Variants in NNT observed in about 807,000 individuals in gnomAD.
NNT encodes nicotinamide nucleotide transhydrogenase.
A neutral mutation model predicts 104.8 loss-of-function variants in NNT; 50 were observed. The ratio of observed to expected loss-of-function variants is 0.48; its 90% CI spans 0.38 to 0.60. The LOEUF (loss-of-function observed/expected upper bound fraction) is 0.60. Among genes scored for constraint, NNT ranks in the 20% least tolerant of loss-of-function variants. The probability of loss-of-function intolerance (pLI) is 0.00; values close to 1 mark genes in which losing one functional copy is unlikely to be tolerated. For missense variants in NNT, 1,131 were observed against 1,330.7 expected, an observed-to-expected ratio of 0.85 and a Z score of 2.33; for synonymous variants, 461 against 490.4, an observed-to-expected ratio of 0.94 and a Z score of 0.79.
intron 5 of NNT, among the ~76,000 whole-genome samples, chr5:43,623,459 A>G (rs961311001): frequency 1.3e-5 from 2 of 152,194 alleles, no homozygotes; most frequent in Non-Finnish European, 2.9e-5. Flanking sequence ...CATTAGTTAC[A>G]TTGCTTCAGA....
At chr5:43,685,559 C>T (rs1487083656) in intron 19 of NNT, among the ~76,000 whole-genome samples, 1 of 152,082 alleles carries the variant, frequency 6.6e-6, no homozygotes, top group Non-Finnish European at 1.5e-5. Flanking sequence ...AAAAAGCACT[C>T]TAAATAGTTT....
chr5:43,619,069 C>T lies in NNT; in HGVS notation c.637C>T (p.Arg213Cys), dbSNP rs780911751. The T allele has an allele frequency of 2.7e-5, 42 of 1,549,470 alleles. No individual in the cohort carries two copies. The highest frequency in any genetic ancestry group is 6.5e-5 in the South Asian group (5 of 76,570). Residue 213 changes from arginine to cysteine, a missense_variant, in exon 5 of 22, where the codon CGT becomes TGT. By Grantham distance (180) the Arg-to-Cys change is radical. Coordinates refer to ENST00000344920, the MANE Select transcript of NNT (RefSeq NM_182977.3). Reference sequence around the variant, plus strand: ...TGTCCTAGCAGCAAATCATTTTGGACGTTTTTTTACTGGTCAGATCACAGC... The same window carrying T: ...TGTCCTAGCAGCAAATCATTTTGGATGTTTTTTTACTGGTCAGATCACAGC... ...AVVLAANHFG[R>C]FFTGQITAAG...
At chr5:43,695,438 C>T (rs1742508264) in intron 19 of NNT, among the ~76,000 whole-genome samples, 1 of 152,182 alleles carries the variant, frequency 6.6e-6, no homozygotes, top group Admixed American at 6.5e-5. Context: ...CAGACTTAGG[C>T]TTTATCAATG....
intron 7 of NNT, among the ~76,000 whole-genome samples, chr5:43,631,559 A>C (rs1312381559): frequency 1.3e-5 from 2 of 152,200 alleles, no homozygotes; most frequent in African/African-American, 2.4e-5. Context: ...AGCCATGTGG[A>C]TAGGAAGCTA....
rs1739614672 is a variant in NNT at position 43,649,137 on chromosome 5, C to T, written c.1445-10C>T. ...TCAGCTCAAACACACTCTTTACTCT[C>T]TTTCTCTAGGTCTCACAGGGATACT... On this transcript the variant is annotated splice_polypyrimidine_tract_variant and intron_variant, in intron 10 of 21. Coordinates refer to ENST00000344920, the MANE Select transcript of NNT (RefSeq NM_182977.3). 6.2e-7 allele frequency: 1 copy of T among 1,613,674 alleles called. No homozygotes were observed. Among genetic ancestry groups the T allele is most frequent in the Non-Finnish European group, 8.5e-7 (1 of 1,179,806 alleles).
chr5:43,626,601 G>T (rs1750376807), intron 6 of NNT, among the ~76,000 whole-genome samples: 1 of 151,902 alleles, frequency 6.6e-6, no homozygotes, highest in Non-Finnish European at 1.5e-5. Context: ...TTTAGAAATA[G>T]CTTATATTTC....
At chr5:43,667,331 T>C (rs536446115) in intron 17 of NNT, 40 of 581,372 alleles carry the variant, frequency 6.9e-5, no homozygotes, top group South Asian at 5.6e-4. Context: ...TGCAGGTTTG[T>C]TACATATGTA....
intron 7 of NNT, among the ~76,000 whole-genome samples, chr5:43,630,519 CA>C (rs1750619554): frequency 6.6e-6 from 1 of 152,128 alleles, no homozygotes; most frequent in Non-Finnish European, 1.5e-5. Flanking sequence ...GACCCTTTGT[CA>C]GTTTTAAATT....
At chr5:43,696,450 T>A (rs1742563380) in intron 19 of NNT, among the ~76,000 whole-genome samples, 1 of 152,084 alleles carries the variant, frequency 6.6e-6, no homozygotes, top group Non-Finnish European at 1.5e-5. Flanking sequence ...TGGCATTGAG[T>A]TTCTGCAGAT....
chr5:43,694,615 T>C (rs2112216097), intron 19 of NNT, among the ~76,000 whole-genome samples: 1 of 152,330 alleles, frequency 6.6e-6, no homozygotes, highest in Middle Eastern at 3.4e-3. Flanking sequence ...CAACCTTGCA[T>C]CCCTGGGATG....
intron 1 of NNT, among the ~76,000 whole-genome samples, chr5:43,605,922 C>T (rs944387055): frequency 9.2e-5 from 14 of 152,116 alleles, no homozygotes; most frequent in Admixed American, 9.2e-4. Flanking sequence ...TGCTGAACAT[C>T]AAATTACCAT....
At chr5:43,620,490 G>A (rs985084111) in intron 5 of NNT, among the ~76,000 whole-genome samples, 1 of 152,030 alleles carries the variant, frequency 6.6e-6, no homozygotes, top group Admixed American at 6.5e-5. Flanking sequence ...GAAGTGCTGG[G>A]ATTACAGGCT....
At position 43,615,855 on chromosome 5, in the gene NNT, C is replaced by T. The variant is rs758653140; in HGVS notation, c.389C>T (p.Ala130Val). 1 of 1,610,094 alleles carries T rather than the reference C, an allele frequency of 6.2e-7. No homozygotes were observed. The highest frequency in any genetic ancestry group is 8.5e-7 in the Non-Finnish European group (1 of 1,178,230). ...LASDLVVKVR[A>V]PMVNPTLGVH... ...ACTTGATTTTTTCCCCAGGTGCGAGCCCCTATGGTTAATCCAACATTAGGT... is the reference window on the plus strand; with the variant it reads ...ACTTGATTTTTTCCCCAGGTGCGAGTCCCTATGGTTAATCCAACATTAGGT... The change falls in exon 4 of 22, where the codon GCC becomes GTC. Residue 130 changes from alanine to valine, a missense_variant. Transcript: ENST00000344920.
At chr5:43,625,169 AGCCGGTC>A (rs745974896) in intron 6 of NNT, among the ~76,000 whole-genome samples, 35 of 152,156 alleles carry the variant, frequency 2.3e-4, no homozygotes, top group Non-Finnish European at 4.3e-4. Flanking sequence ...GCCCATAGAA[AGCCGGTC>A]GTTTAAGTTT....
chr5:43,659,188 T>G lies in NNT; in HGVS notation c.2472T>G (p.Ala824=). 6.2e-7 allele frequency: 1 copy of G among 1,607,004 alleles called. No individual in the cohort carries two copies. Among genetic ancestry groups the G allele is most frequent in the Non-Finnish European group, 8.5e-7 (1 of 1,176,866 alleles). Reference sequence around the variant, plus strand: ...TGTTCTAGGGTGTGACTTTGACAGCTGCTATTGGGGGTGCTGACATGCCCG... The same window carrying G: ...TGTTCTAGGGTGTGACTTTGACAGCGGCTATTGGGGGTGCTGACATGCCCG... ...LSAVMGVTLT[A]AIGGADMPVV... is the part of the protein sequence containing the mutation. Residue 824 remains alanine (A), a synonymous_variant, in exon 17 of 22, where the codon GCT becomes GCG. Coordinates refer to ENST00000344920, the MANE Select transcript of NNT (RefSeq NM_182977.3).
At chr5:43,652,491 C>CT (rs1222758727) in intron 13 of NNT, among the ~76,000 whole-genome samples, 2 of 150,818 alleles carry the variant, frequency 1.3e-5, no homozygotes, top group Non-Finnish European at 3.0e-5. Context: ...TTAGTTTCTT[C>CT]TATGTTTCCA....
intron 19 of NNT, among the ~76,000 whole-genome samples, chr5:43,696,746 C>T (rs1742577473): frequency 6.6e-6 from 1 of 152,192 alleles, no homozygotes; most frequent in South Asian, 2.1e-4. Flanking sequence ...ATGCAGGCTC[C>T]ACATCATGTG....
chr5:43,690,818 G>A (rs1176407012), intron 19 of NNT, among the ~76,000 whole-genome samples: 1 of 151,942 alleles, frequency 6.6e-6, no homozygotes, highest in African/African-American at 2.4e-5. Flanking sequence ...TATGCATGAG[G>A]GCAGATTAAT....
chr5:43,673,981 C>T (rs1466592860), intron 17 of NNT, among the ~76,000 whole-genome samples: 1 of 150,686 alleles, frequency 6.6e-6, no homozygotes, highest in Non-Finnish European at 1.5e-5. Flanking sequence ...GATCATTCCA[C>T]TGCACTCCAG....
Sources: allele counts gnomAD v4.1 joint callset (sites outside exome capture counted in the v4.1 genomes callset), GRCh38; gene constraint gnomAD v4.1.1; transcripts MANE v1.5; gene names NCBI Gene and HGNC (gene_info 2026-07-23, HGNC 2026-07-21).